Variants in SLC6A11 observed in about 807,000 individuals in gnomAD.
The protein encoded by SLC6A11 is sodium- and chloride-dependent GABA transporter 3.
In SLC6A11, 25 loss-of-function variants were observed where a neutral mutation model predicts 74.8. That is an observed-to-expected ratio of 0.33 (90% CI 0.24 to 0.47). The LOEUF (loss-of-function observed/expected upper bound fraction) is 0.47. SLC6A11 is among the 20% of genes least tolerant of loss of function. The probability of loss-of-function intolerance (pLI) is 1.00; values close to 1 mark genes in which losing one functional copy is unlikely to be tolerated. For synonymous variants in SLC6A11, 330 were observed against 330.2 expected, an observed-to-expected ratio of 1.00 and a Z score of 0.01; for missense variants, 574 against 837.0, an observed-to-expected ratio of 0.69 and a Z score of 3.88.
chr3:10,923,939 C>G (rs57210547), intron 8 of SLC6A11, among the ~76,000 whole-genome samples: 1,656 of 152,204 alleles, frequency 0.011, 36 homozygotes, highest in African/African-American at 0.037. Flanking sequence ...CACAACCTCA[C>G]CATAAGTCAT....
rs1695605757 is a variant in SLC6A11, at chr3:10,926,262, C to A, written c.1233+146C>A. 1.6e-6 allele frequency: 1 copy of A among 611,890 alleles called. No homozygotes were observed. Among genetic ancestry groups the A allele is most frequent in the East Asian group, 2.7e-5 (1 of 36,952 alleles). The allele number at this position is 611,890 out of a possible 1,614,324, so 37.9% of individuals were successfully genotyped here. A position where few individuals can be genotyped will look rare whatever the true frequency, so the allele number is the denominator to read the frequency against. ...CCCTGCCCACCGTCCCCCATTCCAC[C>A]CTCCACTTCCCTCCCAGCAACTCTT... On this transcript the variant is annotated intron_variant, in intron 9 of 13. Coordinates refer to ENST00000254488, the MANE Select transcript of SLC6A11 (RefSeq NM_014229.3). The surrounding 1 kb of genome is among the most constrained non-coding windows in gnomAD (Gnocchi z 5.7).
At chr3:10,823,006 G>A (rs2106571193) in intron 3 of SLC6A11, among the ~76,000 whole-genome samples, 1 of 152,222 alleles carries the variant, frequency 6.6e-6, no homozygotes, top group East Asian at 1.9e-4. Flanking sequence ...GCAGGGAAGT[G>A]GAAAAAATAA....
chr3:10,860,363 A>G (rs1694688714), intron 5 of SLC6A11, among the ~76,000 whole-genome samples: 1 of 152,220 alleles, frequency 6.6e-6, no homozygotes. Context: ...TTTCAGAGAT[A>G]ATAAGGTGAA....
At chr3:10,852,544 C>T (rs1182848207) in intron 5 of SLC6A11, among the ~76,000 whole-genome samples, 1 of 152,354 alleles carries the variant, frequency 6.6e-6, no homozygotes, top group African/African-American at 2.4e-5. Flanking sequence ...CCCCCAAAGT[C>T]CCAGTGATTG....
intron 6 of SLC6A11, among the ~76,000 whole-genome samples, chr3:10,887,085 G>A (rs563878565): frequency 6.7e-5 from 10 of 149,904 alleles, no homozygotes; most frequent in Non-Finnish European, 1.0e-4. Flanking sequence ...GGATGGATGG[G>A]CAGACAGACG....
At chr3:10,846,554 A>G (rs1156814225) in intron 5 of SLC6A11, among the ~76,000 whole-genome samples, 1 of 152,220 alleles carries the variant, frequency 6.6e-6, no homozygotes, top group East Asian at 1.9e-4. Flanking sequence ...CATAAGGAGA[A>G]GACTCAGTCC....
chr3:10,854,056 T>C (rs1000112396), intron 5 of SLC6A11, among the ~76,000 whole-genome samples: 1 of 152,274 alleles, frequency 6.6e-6, no homozygotes, highest in Admixed American at 6.5e-5. Flanking sequence ...GCACTGACAC[T>C]GATTTTTAAA....
chr3:10,926,626 C>G lies in SLC6A11; in HGVS notation c.1233+510C>G, dbSNP rs1695611296. Among the ~76,000 whole-genome samples the G allele has an allele frequency of 6.6e-6, 1 of 152,168 alleles. No individual in the cohort carries two copies. The highest frequency in any genetic ancestry group is 6.5e-5 in the Admixed American group (1 of 15,288). On this transcript the variant is annotated intron_variant, in intron 9 of 13. Transcript: ENST00000254488. This position sits in a 1 kb window ranked among gnomAD's most constrained non-coding sequence, Gnocchi z 5.7. ...CTGCCCCGCCACCGCCTGCCTGTCT[C>G]TGTGCTCGGCCCTCCCTAGAGGCCC...
intron 10 of SLC6A11, 135 bp downstream of exon 10, chr3:10,929,474 G>A (rs1695654814): frequency 1.1e-6 from 1 of 922,832 alleles, no homozygotes; most frequent in Non-Finnish European, 1.7e-6. Flanking sequence ...CCTCCTAGCG[G>A]GTCATGGTGA....
At chr3:10,936,559 T>C (rs369422685) in intron 13 of SLC6A11, among the ~76,000 whole-genome samples, 81 of 152,014 alleles carry the variant, frequency 5.3e-4, no homozygotes, top group Non-Finnish European at 1.0e-3. Context: ...GCTCCAGAAA[T>C]AGTCATGCAT....
In SLC6A11 at chr3:10,877,213, C is replaced by T. The variant is rs149519113; in HGVS notation, c.891+2118C>T. Among the ~76,000 whole-genome samples, 509 of 152,332 alleles carry T rather than the reference C, an allele frequency of 3.3e-3. 4 individuals are homozygous for T. The highest frequency in any genetic ancestry group is 0.011 in the African/African-American group (470 of 41,564). On this transcript the variant is annotated intron_variant, in intron 6 of 13. Transcript: ENST00000254488. ...CAAAGGCAGAGTTGAGTAGTTGAGA[C>T]AGAAACCCTATGGACCCCTGTGTCG...
chr3:10,912,814 T>A (rs915232767), intron 7 of SLC6A11, among the ~76,000 whole-genome samples: 2 of 151,920 alleles, frequency 1.3e-5, no homozygotes, highest in Non-Finnish European at 2.9e-5. Flanking sequence ...GTCACCCAGC[T>A]CTGTGTGGTG....
intron 4 of SLC6A11, among the ~76,000 whole-genome samples, chr3:10,836,927 C>T (rs981848488): frequency 2.0e-5 from 3 of 152,216 alleles, no homozygotes; most frequent in Non-Finnish European, 2.9e-5. Flanking sequence ...TTTCACCCTG[C>T]AGGAATAGAG....
At chr3:10,875,571 C>T (rs74663625) in intron 6 of SLC6A11, among the ~76,000 whole-genome samples, 1 of 152,200 alleles carries the variant, frequency 6.6e-6, no homozygotes, top group East Asian at 1.9e-4. Flanking sequence ...TCACAGATCT[C>T]TGCAGTAGTG....
chr3:10,832,221 C>T (rs1694307074), intron 4 of SLC6A11, among the ~76,000 whole-genome samples: 1 of 152,222 alleles, frequency 6.6e-6, no homozygotes, highest in East Asian at 1.9e-4. Flanking sequence ...AGCCCTGGTG[C>T]CCTGCAAACC....
At chr3:10,937,308 G>C (rs750784) in intron 13 of SLC6A11, among the ~76,000 whole-genome samples, 6 of 152,158 alleles carry the variant, frequency 3.9e-5, no homozygotes, top group Non-Finnish European at 7.3e-5. Flanking sequence ...TTTGGAACGC[G>C]TGCTCTAGCC....
At chr3:10,905,970 C>G (rs977099460) in intron 6 of SLC6A11, among the ~76,000 whole-genome samples, 2 of 152,148 alleles carry the variant, frequency 1.3e-5, no homozygotes, top group African/African-American at 2.4e-5. Flanking sequence ...TGATGATGAT[C>G]AAATATATGT....
At chr3:10,897,979 C>T (rs1170256133) in intron 6 of SLC6A11, among the ~76,000 whole-genome samples, 1 of 152,224 alleles carries the variant, frequency 6.6e-6, no homozygotes. Context: ...ATGTGCACTC[C>T]CAGGCTCAAC....
intron 8 of SLC6A11, among the ~76,000 whole-genome samples, chr3:10,922,933 G>C (rs1695555155): frequency 6.6e-6 from 1 of 152,134 alleles, no homozygotes; most frequent in South Asian, 2.1e-4. Context: ...ACTGTTGTAA[G>C]TGTGTATATT....
Sources: allele counts gnomAD v4.1 joint callset (sites outside exome capture counted in the v4.1 genomes callset), GRCh38; gene constraint gnomAD v4.1.1; non-coding constraint Gnocchi (gnomAD v3.1); transcripts MANE v1.5; gene names NCBI Gene and HGNC (gene_info 2026-07-23, HGNC 2026-07-21).